Variants in KCNB2 observed in about 807,000 individuals in gnomAD.
KCNB2 encodes the protein delayed rectifier potassium channel protein.
In KCNB2, 15 loss-of-function variants were observed where a neutral mutation model predicts 61.5. The ratio of observed to expected loss-of-function variants is 0.24; its 90% CI spans 0.16 to 0.38. KCNB2 has a LOEUF of 0.38. Ranked by LOEUF, KCNB2 falls within the 10% of genes least tolerant of loss-of-function variation. KCNB2 has a pLI of 1.00. For synonymous variants in KCNB2, 457 were observed against 446.0 expected (o/e 1.02, Z -0.31); for missense variants, 828 against 1,125.2 (o/e 0.74, Z 3.78).
At chr8:72,623,213 C>G (rs779780118) in intron 2 of KCNB2, among the ~76,000 whole-genome samples, 2 of 152,068 alleles carry the variant, frequency 1.3e-5, no homozygotes, top group Non-Finnish European at 2.9e-5. Flanking sequence ...AAAGTTATCC[C>G]CAAAGCTGGA....
chr8:72,743,603 T>A (rs1243802402), intron 2 of KCNB2, among the ~76,000 whole-genome samples: 2 of 152,206 alleles, frequency 1.3e-5, no homozygotes, highest in African/African-American at 4.8e-5. Flanking sequence ...GCCCATGGCA[T>A]TTTTATTTGA....
At chr8:72,698,764 A>G (rs1433850388) in intron 2 of KCNB2, among the ~76,000 whole-genome samples, 1 of 152,188 alleles carries the variant, frequency 6.6e-6, no homozygotes, top group East Asian at 1.9e-4. Context: ...GCAATGGGGA[A>G]AAGACTTCCT....
At chr8:72,683,529 C>T (rs1015593611) in intron 2 of KCNB2, among the ~76,000 whole-genome samples, 1 of 152,166 alleles carries the variant, frequency 6.6e-6, no homozygotes, top group African/African-American at 2.4e-5. Flanking sequence ...GAATGCACAG[C>T]TTCATCAGGG....
intron 2 of KCNB2, among the ~76,000 whole-genome samples, chr8:72,621,697 T>A (rs1805715692): frequency 6.6e-6 from 1 of 152,162 alleles, no homozygotes; most frequent in Non-Finnish European, 1.5e-5. Context: ...TAGCAGTCAT[T>A]TTCTTTTTAC....
chr8:72,707,935 G>T (rs1257849630), intron 2 of KCNB2, among the ~76,000 whole-genome samples: 1 of 152,182 alleles, frequency 6.6e-6, no homozygotes, highest in East Asian at 1.9e-4. Flanking sequence ...GCCCCAAGAG[G>T]TGGTGTTTAG....
At chr8:72,696,072 C>A (rs1432355925) in intron 2 of KCNB2, among the ~76,000 whole-genome samples, 2 of 152,188 alleles carry the variant, frequency 1.3e-5, no homozygotes, top group Non-Finnish European at 2.9e-5. Context: ...CTATTGGAGG[C>A]AGATTGGTGT....
At chr8:72,830,344 C>A (rs896061217) in intron 2 of KCNB2, among the ~76,000 whole-genome samples, 1 of 151,818 alleles carries the variant, frequency 6.6e-6, no homozygotes, top group African/African-American at 2.4e-5. Context: ...GAAATGTGCT[C>A]ACTTACCCAC....
chr8:72,745,373 A>G (rs1218421828), intron 2 of KCNB2, among the ~76,000 whole-genome samples: 1 of 152,104 alleles, frequency 6.6e-6, no homozygotes, highest in Non-Finnish European at 1.5e-5. Context: ...ACCAGCCACA[A>G]ATTCAGAGCC....
chr8:72,630,531 A>C lies in KCNB2; in HGVS notation c.579+62218A>C, dbSNP rs897738274. On this transcript the variant is annotated intron_variant, in intron 2 of 2. Coordinates refer to ENST00000523207, the MANE Select transcript of KCNB2 (RefSeq NM_004770.3). ...ACTGTACCACAAACTGAGCAGCTTAAACAGCAGAAATTTATTGCCTTTCAA... is the reference window on the plus strand; with the variant it reads ...ACTGTACCACAAACTGAGCAGCTTACACAGCAGAAATTTATTGCCTTTCAA... Among the ~76,000 whole-genome samples, 5 of 152,218 alleles carry C rather than the reference A, an allele frequency of 3.3e-5. No homozygotes were observed. In the East Asian group the frequency reaches 9.6e-4, roughly 29 times the overall value.
intron 2 of KCNB2, among the ~76,000 whole-genome samples, chr8:72,758,446 A>C (rs1164119230): frequency 2.0e-5 from 3 of 152,186 alleles, no homozygotes; most frequent in Admixed American, 2.0e-4. Flanking sequence ...GCTCAAAACA[A>C]ATGTGTATAA....
At chr8:72,929,657 C>A (rs1001506593) in intron 2 of KCNB2, among the ~76,000 whole-genome samples, 1 of 152,146 alleles carries the variant, frequency 6.6e-6, no homozygotes, top group Non-Finnish European at 1.5e-5. Flanking sequence ...TTAGTTTAGA[C>A]AGAGAATCAC....
At chr8:72,780,088 T>C (rs1220055470) in intron 2 of KCNB2, among the ~76,000 whole-genome samples, 2 of 152,184 alleles carry the variant, frequency 1.3e-5, no homozygotes, top group Non-Finnish European at 2.9e-5. Flanking sequence ...TTTAATAATG[T>C]TCAAAGCTGT....
At chr8:72,818,889 C>T (rs1483472145) in intron 2 of KCNB2, among the ~76,000 whole-genome samples, 1 of 152,126 alleles carries the variant, frequency 6.6e-6, no homozygotes, top group African/African-American at 2.4e-5. Context: ...TGAGTTTAGA[C>T]TCTCCCAATC....
Position 72,937,714 on chromosome 8 carries a change from A to G in KCNB2, c.2359A>G (p.Arg787Gly), listed in dbSNP as rs1451506365. The change falls in exon 3 of 3, where the codon AGG becomes GGG. Residue 787 changes from arginine (R) to glycine (G), a missense_variant. Arg to Gly is a moderately radical substitution (Grantham distance 125, BLOSUM62 -2). Coordinates refer to ENST00000523207, the MANE Select transcript of KCNB2 (RefSeq NM_004770.3). ...GGGACCTTCCAAAGGGCTGTCCCCC[A>G]GGTTTCCCAAGCAGAAACTGTTCCC... ...CQGPSKGLSPRFPKQKLFPFS... is the reference protein window; with the variant it reads ...CQGPSKGLSPGFPKQKLFPFS... The G allele has an allele frequency of 6.2e-7, 1 of 1,614,060 alleles. No homozygotes were observed. Among genetic ancestry groups the G allele is most frequent in the East Asian group, 2.2e-5 (1 of 44,822 alleles).
intron 2 of KCNB2, among the ~76,000 whole-genome samples, chr8:72,835,567 T>C (rs1809767512): frequency 6.6e-6 from 1 of 152,126 alleles, no homozygotes; most frequent in Non-Finnish European, 1.5e-5. Context: ...TACTTCAAAA[T>C]AAAAATCTGC....
At chr8:72,723,452 G>A (rs1440355) in intron 2 of KCNB2, among the ~76,000 whole-genome samples, 110,132 of 152,090 alleles carry the variant, frequency 0.72, 41,126 homozygotes, top group African/African-American at 0.9. Flanking sequence ...CCATCTCTTG[G>A]CAAACCTCAG....
In KCNB2 at chr8:72,561,773, A is replaced by ACG. The variant is rs1806535274; in HGVS notation, c.-93-5869_-93-5868insCG. Among the ~76,000 whole-genome samples the ACG allele has an allele frequency of 2.9e-4, 7 of 24,036 alleles. 1 individual carries two copies. The highest frequency in any genetic ancestry group is 1.3e-3 in the African/African-American group (7 of 5,350). The allele number at this position is 24,036 out of a possible 152,430, so 15.8% of individuals were successfully genotyped here. On this transcript the variant is annotated intron_variant, in intron 1 of 2. Transcript: ENST00000523207. ...TATATATATATATGGATATATATAT[A>ACG]TATGGATATATATATACATATATAT...
At chr8:72,734,023 G>A (rs151287251) in intron 2 of KCNB2, among the ~76,000 whole-genome samples, 153 of 152,216 alleles carry the variant, frequency 1.0e-3, no homozygotes, top group African/African-American at 3.4e-3. Flanking sequence ...CGTCTCCCAG[G>A]CTGCTGAGCT....
intron 2 of KCNB2, among the ~76,000 whole-genome samples, chr8:72,771,835 AG>A (rs1808566760): frequency 6.6e-6 from 1 of 152,106 alleles, no homozygotes; most frequent in African/African-American, 2.4e-5. Flanking sequence ...GAAATTTGAG[AG>A]GTAAGCATGT....
Sources: gnomAD v4.1 joint callset for allele counts (sites outside exome capture counted in the v4.1 genomes callset) on GRCh38, gnomAD v4.1.1 for gene constraint, MANE v1.5 for transcripts, NCBI Gene and HGNC (gene_info 2026-07-23, HGNC 2026-07-21) for gene names.